The following B3GALT1 variants were observed in gnomAD, a reference collection of about 807,000 sequenced individuals.
The protein encoded by B3GALT1 is beta-1,3-galactosyltransferase 1, also known as UDP-Gal:betaGlcNAc beta 1,3-galactosyltransferase, polypeptide 1.
Under a neutral mutation model 23.2 loss-of-function variants are expected in B3GALT1, and 10 were observed. The observed-to-expected ratio is 0.43, with a 90% CI of 0.27 to 0.73. B3GALT1 has a LOEUF of 0.73. Ranked by LOEUF, B3GALT1 falls within the 30% of genes least tolerant of loss-of-function variation. B3GALT1 has a pLI of 0.21. For missense variants in B3GALT1, 299 were observed against 405.4 expected, an observed-to-expected ratio of 0.74 and a Z score of 2.25; for synonymous variants, 156 against 141.5, an observed-to-expected ratio of 1.10 and a Z score of -0.73.
intron 3 of B3GALT1, among the ~76,000 whole-genome samples, chr2:167,771,338 C>T (rs961233591): frequency 4.6e-5 from 7 of 152,150 alleles, no homozygotes; most frequent in African/African-American, 1.4e-4. Flanking sequence ...GCCTGTAATC[C>T]CAGCACTTTG....
chr2:167,850,834 C>T (rs1358747587), intron 4 of B3GALT1, among the ~76,000 whole-genome samples: 1 of 151,518 alleles, frequency 6.6e-6, no homozygotes, highest in East Asian at 1.9e-4. Flanking sequence ...GGGAGGGGGC[C>T]GAGGGATAAA....
chr2:167,644,209 T>C (rs1013513022), intron 2 of B3GALT1, among the ~76,000 whole-genome samples: 6 of 152,232 alleles, frequency 3.9e-5, no homozygotes, highest in African/African-American at 7.2e-5. Flanking sequence ...TTGGAGTAAA[T>C]GGTCAAAAGT....
At chr2:167,709,591 A>C (rs1687019132) in intron 3 of B3GALT1, among the ~76,000 whole-genome samples, 1 of 152,204 alleles carries the variant, frequency 6.6e-6, no homozygotes, top group Non-Finnish European at 1.5e-5. Context: ...AGAGAAATTT[A>C]GAAAGGCTAC....
At chr2:167,756,862 G>A (rs1687826127) in intron 3 of B3GALT1, among the ~76,000 whole-genome samples, 1 of 152,198 alleles carries the variant, frequency 6.6e-6, no homozygotes, top group Non-Finnish European at 1.5e-5. Context: ...TGCAGAAGCT[G>A]AACACTCATC....
chr2:167,684,757 C>A (rs56233959), intron 3 of B3GALT1, among the ~76,000 whole-genome samples: 1 of 152,118 alleles, frequency 6.6e-6, no homozygotes, highest in African/African-American at 2.4e-5. Context: ...AATTCTTTAA[C>A]TTGAATATTA....
At chr2:167,478,673 C>G (rs1027526757) in intron 1 of B3GALT1, among the ~76,000 whole-genome samples, 1 of 151,788 alleles carries the variant, frequency 6.6e-6, no homozygotes, top group Non-Finnish European at 1.5e-5. Flanking sequence ...CCCATTAACT[C>G]GTCATTTACA....
chr2:167,298,197 G>T (rs60102532), intron 1 of B3GALT1, among the ~76,000 whole-genome samples: 20,891 of 152,042 alleles, frequency 0.14, 1,653 homozygotes, highest in African/African-American at 0.23. Context: ...GAAGAACCCA[G>T]GTGATTCTGC....
At chr2:167,620,928 C>G (rs1403697819) in intron 2 of B3GALT1, among the ~76,000 whole-genome samples, 1 of 151,888 alleles carries the variant, frequency 6.6e-6, no homozygotes, top group East Asian at 1.9e-4. Flanking sequence ...TTAACCTTAT[C>G]ATCATCCAGA....
intron 3 of B3GALT1, among the ~76,000 whole-genome samples, chr2:167,792,784 C>T (rs1209273793): frequency 6.6e-6 from 1 of 151,604 alleles, no homozygotes; most frequent in Non-Finnish European, 1.5e-5. Context: ...AGCCTGCAGA[C>T]AGGGAGGTCA....
chr2:167,407,678 A>G (rs1559087360), intron 1 of B3GALT1, among the ~76,000 whole-genome samples: 1 of 152,158 alleles, frequency 6.6e-6, no homozygotes, highest in Non-Finnish European at 1.5e-5. Context: ...TCAGAAATAC[A>G]AAGAATCATT....
chr2:167,319,365 C>G (rs1224301166), intron 1 of B3GALT1, among the ~76,000 whole-genome samples: 2 of 152,078 alleles, frequency 1.3e-5, no homozygotes, highest in Non-Finnish European at 1.5e-5. Flanking sequence ...TTCTAGGAAG[C>G]CTACATCGGG....
At chr2:167,559,597 G>A (rs1402058225) in intron 2 of B3GALT1, among the ~76,000 whole-genome samples, 1 of 152,200 alleles carries the variant, frequency 6.6e-6, no homozygotes, top group Non-Finnish European at 1.5e-5. Flanking sequence ...AACCAATACA[G>A]AGAAGTGCTT....
chr2:167,405,376 G>T (rs1244902602), intron 1 of B3GALT1, among the ~76,000 whole-genome samples: 1 of 152,000 alleles, frequency 6.6e-6, no homozygotes, highest in African/African-American at 2.4e-5. Flanking sequence ...AAAGGATATT[G>T]AACTTCCATG....
chr2:167,329,461 C>T (rs1015672993), intron 1 of B3GALT1, among the ~76,000 whole-genome samples: 1 of 152,122 alleles, frequency 6.6e-6, no homozygotes, highest in Admixed American at 6.5e-5. Context: ...AGTGTGTATT[C>T]TGCAGTTGTT....
In B3GALT1 at chr2:167,598,356, T is replaced by A. The variant is rs1407710119; in HGVS notation, c.-409-48553T>A. Among the ~76,000 whole-genome samples, 3 of 152,146 alleles carry A rather than the reference T, an allele frequency of 2.0e-5. No individual in the cohort carries two copies. In the East Asian group the frequency reaches 5.8e-4, roughly 29 times the overall value. ...TGCATAATATAGAATATATTTGTTT[T>A]AATATCAAAAGGAAGTTTTTAAGAT... is the stretch of plus-strand genomic sequence containing the variant. On this transcript the variant is annotated intron_variant, in intron 2 of 4. Transcript: ENST00000392690.
intron 3 of B3GALT1, among the ~76,000 whole-genome samples, chr2:167,678,475 T>TC (rs1686467922): frequency 8.5e-6 from 1 of 117,094 alleles, no homozygotes; most frequent in African/African-American, 2.6e-5. Flanking sequence ...TGCACCTTAT[T>TC]ATTTTTTTTA....
chr2:167,366,293 A>G (rs979087778), intron 1 of B3GALT1, among the ~76,000 whole-genome samples: 4 of 152,206 alleles, frequency 2.6e-5, no homozygotes, highest in Admixed American at 6.5e-5. Flanking sequence ...TTTCTTTTAT[A>G]TAGGTAGTAA....
chr2:167,534,214 C>T (rs1683377982), intron 2 of B3GALT1, among the ~76,000 whole-genome samples: 1 of 152,074 alleles, frequency 6.6e-6, no homozygotes, highest in Non-Finnish European at 1.5e-5. Flanking sequence ...TTGCTTTCTC[C>T]CATCCTCTCT....
chr2:167,810,118 C>T (rs1688854418), intron 3 of B3GALT1, among the ~76,000 whole-genome samples: 1 of 150,156 alleles, frequency 6.7e-6, no homozygotes, highest in Non-Finnish European at 1.5e-5. Flanking sequence ...GTGCGGCTTG[C>T]TAAGACCATT....
Sources: gnomAD v4.1 joint callset for allele counts (sites outside exome capture counted in the v4.1 genomes callset) on GRCh38, gnomAD v4.1.1 for gene constraint, MANE v1.5 for transcripts, NCBI Gene and HGNC (gene_info 2026-07-23, HGNC 2026-07-21) for gene names.